The following EPHA3 variants were observed in gnomAD, a reference collection of about 807,000 sequenced individuals.
The protein encoded by EPHA3 is EPH receptor A3, also known as ephrin type-A receptor 3.
A neutral mutation model predicts 107.1 loss-of-function variants in EPHA3; 42 were observed. The observed-to-expected ratio is 0.39, with a 90% CI of 0.31 to 0.51. The LOEUF (loss-of-function observed/expected upper bound fraction) is 0.51, where lower values mean the gene tolerates loss of function less well. Among genes scored for constraint, EPHA3 ranks in the 20% least tolerant of loss-of-function variants. EPHA3 has a pLI of 0.78. For synonymous variants in EPHA3, 461 were observed against 424.8 expected (o/e 1.09, Z -1.05); for missense variants, 1,183 against 1,211.2 (o/e 0.98, Z 0.35).
chr3:89,329,902 A>G (rs1446902207), intron 3 of EPHA3, among the ~76,000 whole-genome samples: 1 of 152,066 alleles, frequency 6.6e-6, no homozygotes, highest in Non-Finnish European at 1.5e-5. Flanking sequence ...GAAACTTTAT[A>G]GAGGCAAGTT....
intron 2 of EPHA3, among the ~76,000 whole-genome samples, chr3:89,201,456 A>G (rs1454270554): frequency 6.6e-6 from 1 of 152,220 alleles, no homozygotes; most frequent in African/African-American, 2.4e-5. Context: ...TCATACAAAT[A>G]CATGGCATTA....
chr3:89,209,922 T>C lies in EPHA3; in HGVS notation c.216T>C (p.Asn72=), dbSNP rs1706226372. The C allele has an allele frequency of 3.7e-6, 6 of 1,613,646 alleles. No homozygotes were observed. In the South Asian group the frequency reaches 6.6e-5, roughly 18 times the overall value. The part of the protein sequence containing the change: ...YTPIRTYQVC[N]VMDHSQNNWL... ...CCATCAGGACTTACCAGGTGTGCAA[T>C]GTCATGGACCACAGTCAAAACAATT... The change falls in exon 3 of 17, where the codon AAT becomes AAC. Residue 72 remains asparagine (N), a synonymous_variant. Coordinates refer to ENST00000336596, the MANE Select transcript of EPHA3 (RefSeq NM_005233.6).
chr3:89,206,546 C>G (rs1706110594), intron 2 of EPHA3, among the ~76,000 whole-genome samples: 1 of 152,166 alleles, frequency 6.6e-6, no homozygotes, highest in Non-Finnish European at 1.5e-5. Context: ...TTTGCTACAT[C>G]TGTACTTTAA....
At chr3:89,444,561 C>T (rs1323303568) in intron 13 of EPHA3, among the ~76,000 whole-genome samples, 6 of 152,020 alleles carry the variant, frequency 3.9e-5, no homozygotes, top group Admixed American at 6.6e-5. Context: ...TAACAGTGAG[C>T]TTTCCCTTGT....
chr3:89,341,139 G>C, intron 4 of EPHA3, 68 bp downstream of exon 4: 1 of 1,494,312 alleles, frequency 6.7e-7, no homozygotes, highest in Non-Finnish European at 9.0e-7. Context: ...TGTGCTGTTT[G>C]TTTTTGTTTT....
intron 2 of EPHA3, among the ~76,000 whole-genome samples, chr3:89,208,933 A>G (rs1027023998): frequency 1.3e-5 from 2 of 152,192 alleles, no homozygotes; most frequent in Non-Finnish European, 2.9e-5. Flanking sequence ...GCATAAGAGG[A>G]AAGTATGGAC....
intron 3 of EPHA3, among the ~76,000 whole-genome samples, chr3:89,230,873 C>T (rs1704616778): frequency 6.6e-6 from 1 of 151,074 alleles, no homozygotes; most frequent in Non-Finnish European, 1.5e-5. Context: ...CTTTTATCTG[C>T]TCCCCAGAAG....
At chr3:89,419,921 T>C (rs549244229) in intron 11 of EPHA3, among the ~76,000 whole-genome samples, 1 of 151,570 alleles carries the variant, frequency 6.6e-6, no homozygotes, top group African/African-American at 2.4e-5. Context: ...CTCTGTGGAT[T>C]TTAAATAGTT....
chr3:89,247,207 G>A (rs1317934861), intron 3 of EPHA3, among the ~76,000 whole-genome samples: 3 of 152,176 alleles, frequency 2.0e-5, no homozygotes, highest in African/African-American at 7.2e-5. Flanking sequence ...ATACTGTAGA[G>A]ATATACAGAC....
chr3:89,342,567 T>C (rs1002039244), intron 5 of EPHA3, among the ~76,000 whole-genome samples: 2 of 152,330 alleles, frequency 1.3e-5, no homozygotes, highest in East Asian at 3.9e-4. Context: ...ATAATAACTA[T>C]GTAGATTACT....
In EPHA3 at chr3:89,190,165, ACTTTC is replaced by A. The variant is rs954498845; in HGVS notation, c.154-19690_154-19686del. 4.6e-5 allele frequency among the ~76,000 whole-genome samples: 7 copies of A among 152,288 alleles called. No individual in the cohort carries two copies. In the East Asian group the frequency reaches 5.8e-4, roughly 13 times the overall value. On this transcript the variant is annotated intron_variant, in intron 2 of 16. Transcript: ENST00000336596. ...ATATATCTTATTGAAATCAGGCCAC[ACTTTC>A]CTTTACTTATTTTTTTAACACTTAC...
At chr3:89,169,203 T>G (rs1225284110) in intron 2 of EPHA3, among the ~76,000 whole-genome samples, 1 of 152,140 alleles carries the variant, frequency 6.6e-6, no homozygotes, top group East Asian at 1.9e-4. Context: ...ACAGACAACC[T>G]TTGGCATCTA....
At chr3:89,193,166 T>G (rs1402244157) in intron 2 of EPHA3, among the ~76,000 whole-genome samples, 1 of 152,054 alleles carries the variant, frequency 6.6e-6, no homozygotes, top group Admixed American at 6.6e-5. Flanking sequence ...GTAGGCCATT[T>G]GCAAAATATG....
intron 11 of EPHA3, among the ~76,000 whole-genome samples, chr3:89,420,124 C>T (rs576534279): frequency 6.6e-6 from 1 of 151,300 alleles, no homozygotes; most frequent in African/African-American, 2.4e-5. Context: ...CATTTTTCCT[C>T]AAGATTTTGG....
intron 1 of EPHA3, among the ~76,000 whole-genome samples, chr3:89,125,227 C>T (rs928534659): frequency 1.3e-5 from 2 of 151,778 alleles, no homozygotes; most frequent in Non-Finnish European, 3.0e-5. Flanking sequence ...CCCCTAAGGA[C>T]ATTGCAAATA....
chr3:89,148,858 GAA>G (rs1704628850), intron 2 of EPHA3, among the ~76,000 whole-genome samples: 1 of 151,846 alleles, frequency 6.6e-6, no homozygotes. Context: ...TTTGCAAATA[GAA>G]AATAGACATT....
intron 3 of EPHA3, among the ~76,000 whole-genome samples, chr3:89,236,390 G>A (rs1359990794): frequency 6.6e-6 from 1 of 151,730 alleles, no homozygotes; most frequent in Non-Finnish European, 1.5e-5. Flanking sequence ...CTACAATCAA[G>A]ATTAATAACA....
At chr3:89,348,367 T>A (rs1265389284) in intron 5 of EPHA3, among the ~76,000 whole-genome samples, 1 of 133,626 alleles carries the variant, frequency 7.5e-6, no homozygotes, top group Non-Finnish European at 1.6e-5. Context: ...TCGAGGAATT[T>A]ATCCATTTCT....
intron 5 of EPHA3, among the ~76,000 whole-genome samples, chr3:89,366,585 A>C (rs1308279337): frequency 6.6e-6 from 1 of 150,686 alleles, no homozygotes; most frequent in African/African-American, 2.4e-5. Flanking sequence ...AAAAGTGTAG[A>C]TAATAGAGCA....
Sources: gnomAD v4.1 joint callset for allele counts (sites outside exome capture counted in the v4.1 genomes callset) on GRCh38, gnomAD v4.1.1 for gene constraint, MANE v1.5 for transcripts, NCBI Gene and HGNC (gene_info 2026-07-23, HGNC 2026-07-21) for gene names.